IQSEC1: variants seen among roughly 807,000 people sequenced by gnomAD.
IQSEC1 encodes the protein IQ motif and SEC7 domain-containing protein 1.
Under a neutral mutation model 91.0 loss-of-function variants are expected in IQSEC1, and 31 were observed. That is an observed-to-expected ratio of 0.34 (90% CI 0.26 to 0.46). The LOEUF (loss-of-function observed/expected upper bound fraction) is 0.46, where lower values mean the gene tolerates loss of function less well. IQSEC1 is among the 20% of genes least tolerant of loss of function. The probability of loss-of-function intolerance (pLI) is 1.00; values close to 1 mark genes in which losing one functional copy is unlikely to be tolerated. For missense variants in IQSEC1, 1,388 were observed against 1,575.6 expected (o/e 0.88, Z 2.02); for synonymous variants, 699 against 662.6 (o/e 1.05, Z -0.84).
intron 1 of IQSEC1, among the ~76,000 whole-genome samples, chr3:13,069,283 T>C (rs1003681926): frequency 6.6e-6 from 1 of 151,846 alleles, no homozygotes; most frequent in Non-Finnish European, 1.5e-5. Context: ...TGCTCTTCCC[T>C]GGCATCCAGC....
intron 1 of IQSEC1, among the ~76,000 whole-genome samples, chr3:13,066,105 G>A (rs1559245481): frequency 6.6e-6 from 1 of 152,218 alleles, no homozygotes; most frequent in Non-Finnish European, 1.5e-5. Context: ...TGCGCTTACA[G>A]AGCACAGAGC....
At chr3:13,041,080 C>A (rs1217188901) in intron 1 of IQSEC1, among the ~76,000 whole-genome samples, 1 of 152,156 alleles carries the variant, frequency 6.6e-6, no homozygotes, top group Non-Finnish European at 1.5e-5. Context: ...TTCTGCTCAC[C>A]TGCGCACAGG....
intron 1 of IQSEC1, among the ~76,000 whole-genome samples, chr3:13,027,348 G>T (rs1433528233): frequency 6.6e-6 from 1 of 152,206 alleles, no homozygotes; most frequent in Non-Finnish European, 1.5e-5. Flanking sequence ...CAGGAGCTGG[G>T]AAAGAAGGCA....
intron 1 of IQSEC1, among the ~76,000 whole-genome samples, chr3:13,242,266 T>G (rs1241064749): frequency 6.6e-6 from 1 of 152,174 alleles, no homozygotes; most frequent in Non-Finnish European, 1.5e-5. Context: ...CTGCTCAGAC[T>G]TTCTGAAGTC....
Position 13,193,491 on chromosome 3 carries a change from G to T in IQSEC1, c.273-29358C>A, listed in dbSNP as rs562264537. On this transcript the variant is annotated intron_variant, in intron 1 of 15. Coordinates refer to the IQSEC1 transcript ENST00000648114. This position sits in a 1 kb window ranked among gnomAD's most constrained non-coding sequence, Gnocchi z 4.2. ...GGGGATGAAGGATGTGGACGGTCGG[G>T]TGGTGACTGGGAACAAGGCACAGAG... is the stretch of plus-strand genomic sequence containing the variant. Among the ~76,000 whole-genome samples the T allele has an allele frequency of 4.6e-5, 7 of 152,170 alleles. No individual in the cohort carries two copies. The highest frequency in any genetic ancestry group is 8.8e-5 in the Non-Finnish European group (6 of 68,038).
At chr3:13,147,912 C>T (rs543976429) in intron 2 of IQSEC1, among the ~76,000 whole-genome samples, 3 of 152,350 alleles carry the variant, frequency 2.0e-5, no homozygotes, top group South Asian at 4.1e-4. Context: ...GGATTACAGG[C>T]GTGAGCCACC....
intron 1 of IQSEC1, among the ~76,000 whole-genome samples, chr3:13,020,535 C>A (rs1703352001): frequency 6.6e-6 from 1 of 152,320 alleles, no homozygotes; most frequent in South Asian, 2.1e-4. Flanking sequence ...TCCCCTTTCC[C>A]TTTGGCTGCC....
chr3:13,266,986 G>A (rs56344639), intron 1 of IQSEC1, among the ~76,000 whole-genome samples: 11 of 136,980 alleles, frequency 8.0e-5, no homozygotes, highest in South Asian at 7.1e-4. Context: ...CTCCATAACC[G>A]CTTACTCGAT....
intron 1 of IQSEC1, among the ~76,000 whole-genome samples, chr3:13,194,101 T>C (rs892652356): frequency 1.3e-5 from 2 of 152,158 alleles, no homozygotes; most frequent in African/African-American, 4.8e-5. Context: ...CCAGTCAGAT[T>C]GGATTAGGGC....
chr3:13,120,567 C>G (rs966199730), intron 2 of IQSEC1, among the ~76,000 whole-genome samples: 1 of 152,222 alleles, frequency 6.6e-6, no homozygotes, highest in African/African-American at 2.4e-5. Context: ...CGAGGAGGAG[C>G]TGCTCACAGT....
At chr3:12,987,801 T>C (rs1450279481) in intron 1 of IQSEC1, among the ~76,000 whole-genome samples, 3 of 152,204 alleles carry the variant, frequency 2.0e-5, no homozygotes, top group Admixed American at 2.0e-4. Flanking sequence ...ACTCCACCAA[T>C]GATGAAATCC....
intron 2 of IQSEC1, among the ~76,000 whole-genome samples, chr3:13,125,032 T>A (rs919001407): frequency 2.0e-5 from 3 of 152,106 alleles, no homozygotes; most frequent in Non-Finnish European, 4.4e-5. Flanking sequence ...GAGGGACCTT[T>A]TAACGCAAAA....
In IQSEC1 at chr3:12,979,942, G is replaced by T. The variant is rs919423408; in HGVS notation, c.24-38077C>A. On this transcript the variant is annotated intron_variant, in intron 1 of 13. Transcript: ENST00000613206. This position sits in a 1 kb window ranked among gnomAD's most constrained non-coding sequence, Gnocchi z 4.3. ...ATACTCAAGCGAGAAATGATTTCCC[G>T]ACTACCTGAGGTGGGGGAAGGCAGC... Among the ~76,000 whole-genome samples, 2 of 152,188 alleles carry T rather than the reference G, an allele frequency of 1.3e-5. No homozygotes were observed. The highest frequency in any genetic ancestry group is 4.8e-5 in the African/African-American group (2 of 41,434).
chr3:12,919,296 C>T (rs745455502), intron 6 of IQSEC1, among the ~76,000 whole-genome samples: 1 of 152,210 alleles, frequency 6.6e-6, no homozygotes, highest in Non-Finnish European at 1.5e-5. Context: ...CTGCTGGGTG[C>T]AGGGAATGGC....
rs779837081 is a variant in IQSEC1 at position 12,936,590 on chromosome 3, G to C, written c.426C>G (p.Arg142=). ...GGTTCTCTGACATGGAGCTGCGCAA[G>C]CGCTCGAAGTTCTTGTTCATCTGGT... ...RQYQMNKNFE[R]LRSSMSENRM... is the part of the protein sequence containing the mutation. Residue 142 remains arginine, a synonymous_variant, in exon 3 of 14, where the codon CGC becomes CGG. Transcript: ENST00000613206. The C allele has an allele frequency of 5.0e-6, 8 of 1,613,098 alleles. No individual in the cohort carries two copies. Among genetic ancestry groups the C allele is most frequent in the Non-Finnish European group, 6.8e-6 (8 of 1,180,028 alleles).
intron 3 of IQSEC1, among the ~76,000 whole-genome samples, chr3:12,931,421 C>T (rs184738380): frequency 2.9e-4 from 44 of 152,354 alleles, no homozygotes; most frequent in Non-Finnish European, 5.9e-4. Context: ...CCTGGGCTCT[C>T]AGCCTCGCTG....
intron 1 of IQSEC1, among the ~76,000 whole-genome samples, chr3:12,968,362 T>A (rs1700739553): frequency 1.3e-5 from 2 of 149,432 alleles, no homozygotes; most frequent in African/African-American, 2.4e-5. Flanking sequence ...CCCAGCCCCC[T>A]ACCCTTTCTC....
intron 3 of IQSEC1, among the ~76,000 whole-genome samples, chr3:12,931,719 C>T (rs1028188567): frequency 6.6e-6 from 1 of 152,200 alleles, no homozygotes; most frequent in Admixed American, 6.5e-5. Context: ...GTGACAGCAT[C>T]CCCTGCCTCC....
chr3:13,012,917 A>G (rs904547834), intron 1 of IQSEC1, among the ~76,000 whole-genome samples: 1 of 151,016 alleles, frequency 6.6e-6, no homozygotes, highest in Non-Finnish European at 1.5e-5. Context: ...ACCCAAGGTC[A>G]CATAGCTACG....
Sources: allele counts gnomAD v4.1 joint callset (sites outside exome capture counted in the v4.1 genomes callset), GRCh38; gene constraint gnomAD v4.1.1; non-coding constraint Gnocchi (gnomAD v3.1); transcripts MANE v1.5; gene names NCBI Gene and HGNC (gene_info 2026-07-23, HGNC 2026-07-21).